Variants in ACSM6 observed in about 807,000 individuals in gnomAD.
ACSM6 encodes the protein acyl-coenzyme A synthetase ACSM6, mitochondrial.
Under a neutral mutation model 51.1 loss-of-function variants are expected in ACSM6, and 35 were observed. The observed-to-expected ratio is 0.69, with a 90% CI of 0.52 to 0.91. ACSM6 has a LOEUF of 0.91. ACSM6 is among the 40% of genes least tolerant of loss of function. The pLI is 0.00. For missense variants in ACSM6, 509 were observed against 584.1 expected (o/e 0.87, Z 1.32); for synonymous variants, 172 against 207.3 (o/e 0.83, Z 1.46).
At chr10:95,199,266 A>C (rs553778731) in intron 2 of ACSM6, among the ~76,000 whole-genome samples, 29 of 152,354 alleles carry the variant, frequency 1.9e-4, no homozygotes, top group African/African-American at 6.5e-4. Flanking sequence ...TTCCCTATTT[A>C]ATAAATGGTG....
At chr10:95,220,935 C>T (rs1160455185) in intron 9 of ACSM6, among the ~76,000 whole-genome samples, 1 of 151,918 alleles carries the variant, frequency 6.6e-6, no homozygotes, top group African/African-American at 2.4e-5. Context: ...ATTTTCGTTG[C>T]ATTTCTTTCT....
At chr10:95,209,396 G>A (rs2034872962) in intron 4 of ACSM6, among the ~76,000 whole-genome samples, 1 of 152,182 alleles carries the variant, frequency 6.6e-6, no homozygotes, top group Non-Finnish European at 1.5e-5. Context: ...TCATGTAGGA[G>A]TCGTCTAGGA....
intron 4 of ACSM6, among the ~76,000 whole-genome samples, chr10:95,209,351 G>A (rs867135805): frequency 1.1e-4 from 16 of 152,264 alleles, no homozygotes; most frequent in African/African-American, 3.1e-4. Context: ...AGGCCGAAGC[G>A]CAAGGGAGGG....
At chr10:95,210,686 A>C in exon 5 of ACSM6, 6 of 1,613,928 alleles carry the variant, frequency 3.7e-6, no homozygotes, top group Non-Finnish European at 5.1e-6. Flanking sequence ...TGAGGACCAA[A>C]AGCCAAGATC....
intron 2 of ACSM6, among the ~76,000 whole-genome samples, chr10:95,198,894 G>A (rs1434859844): frequency 6.6e-6 from 1 of 152,122 alleles, no homozygotes; most frequent in Non-Finnish European, 1.5e-5. Flanking sequence ...TCACGGGTAG[G>A]AAGAATCAAT....
chr10:95,194,707 C>A, intron 2 of ACSM6, 30 bp downstream of exon 2: 1 of 1,537,392 alleles, frequency 6.5e-7, no homozygotes, highest in Non-Finnish European at 8.8e-7. Context: ...ACCTTGGAAA[C>A]TTTGGCCAAG....
At position 95,227,843 on chromosome 10, in the gene ACSM6, G is replaced by A. The variant is rs201316541; in HGVS notation, c.1303-801G>A. 1.2e-4 allele frequency among the ~76,000 whole-genome samples: 19 copies of A among 152,310 alleles called. No homozygotes were observed. The East Asian group carries it at 3.7e-3, about 29-fold the overall frequency. On this transcript the variant is annotated intron_variant, in intron 10 of 10. Coordinates refer to ENST00000341686, the Ensembl canonical transcript of ACSM6. ...AGCACTTTGGGAGGCCAAGGCAGGC[G>A]GATCACCTGAGGTCAGGAGTTTGAG...
chr10:95,194,540 G>T lies in ACSM6; in HGVS notation c.55G>T (p.Glu19Ter). The change falls in exon 2 of 11, where the codon GAA becomes TAA. Residue 19 changes from glutamate to a stop codon, truncating the protein, a stop_gained. Transcript: ENST00000341686. LOFTEE classifies it high-confidence loss of function. Reference sequence around the variant, plus strand: ...GGTCCGGAGTTTCAGACTGGGATTTGAAGCCTGCTGCTATCCAAACCAAAA... The same window carrying T: ...GGTCCGGAGTTTCAGACTGGGATTTTAAGCCTGCTGCTATCCAAACCAAAA... The T allele has an allele frequency of 6.4e-7, 1 of 1,551,792 alleles. No homozygotes were observed. The highest frequency in any genetic ancestry group is 8.7e-7 in the Non-Finnish European group (1 of 1,146,990).
At chr10:95,217,502 T>TAGAC (rs58540447) in intron 8 of ACSM6, among the ~76,000 whole-genome samples, 25,624 of 152,052 alleles carry the variant, frequency 0.17, 2,329 homozygotes, top group Middle Eastern at 0.4. Flanking sequence ...AACATTCAAA[T>TAGAC]AGCATGGGAG....
exon 4 of ACSM6, chr10:95,207,349 T>C: frequency 6.2e-7 from 1 of 1,614,148 alleles, no homozygotes; most frequent in Non-Finnish European, 8.5e-7. Flanking sequence ...TGCCCCACCT[T>C]GAAAACCAAG....
At chr10:95,199,145 A>G (rs2034765529) in intron 2 of ACSM6, among the ~76,000 whole-genome samples, 3 of 152,238 alleles carry the variant, frequency 2.0e-5, no homozygotes, top group African/African-American at 7.2e-5. Flanking sequence ...ACTGGTACCA[A>G]AACAGAGATA....
At chr10:95,225,503 T>C (rs2035029262) in intron 10 of ACSM6, 112 bp downstream of exon 10, 2 of 711,046 alleles carry the variant, frequency 2.8e-6, no homozygotes, top group East Asian at 3.0e-5. Flanking sequence ...ATTTTTAATT[T>C]TGCAAATTTT....
At chr10:95,218,015 A>T (rs2034962926) in intron 8 of ACSM6, among the ~76,000 whole-genome samples, 2 of 152,192 alleles carry the variant, frequency 1.3e-5, no homozygotes, top group Admixed American at 1.3e-4. Context: ...AGCACCCAGG[A>T]CTCATTGCAT....
At chr10:95,223,840 G>A (rs1405610029) in intron 9 of ACSM6, among the ~76,000 whole-genome samples, 1 of 151,756 alleles carries the variant, frequency 6.6e-6, no homozygotes, top group African/African-American at 2.4e-5. Flanking sequence ...CATCCCAATT[G>A]GAAAAGAAGA....
chr10:95,203,396 C>T (rs12247797), intron 3 of ACSM6, among the ~76,000 whole-genome samples: 2 of 152,090 alleles, frequency 1.3e-5, no homozygotes, highest in Non-Finnish European at 2.9e-5. Context: ...GTAATGCACT[C>T]GAATCATCCC....
intron 9 of ACSM6, among the ~76,000 whole-genome samples, chr10:95,223,491 C>T (rs1275118306): frequency 6.6e-6 from 1 of 152,016 alleles, no homozygotes; most frequent in Non-Finnish European, 1.5e-5. Context: ...TATACCATAA[C>T]CAAGTGGAAT....
chr10:95,208,784 G>A (rs2034866449), intron 4 of ACSM6, among the ~76,000 whole-genome samples: 1 of 151,908 alleles, frequency 6.6e-6, no homozygotes, highest in Non-Finnish European at 1.5e-5. Context: ...AAAGCATAGT[G>A]TATATAGGGC....
At chr10:95,219,164 T>G (rs989407810) in intron 8 of ACSM6, among the ~76,000 whole-genome samples, 1 of 152,238 alleles carries the variant, frequency 6.6e-6, no homozygotes, top group African/African-American at 2.4e-5. Flanking sequence ...CCTGCATGTA[T>G]GCTGAAGTAT....
rs139065052 is a variant in ACSM6, at chr10:95,198,522, G to A, written c.193-3463G>A. Among the ~76,000 whole-genome samples the A allele has an allele frequency of 1.1e-3, 172 of 152,192 alleles. 1 individual carries two copies. The highest frequency in any genetic ancestry group is 3.9e-3 in the African/African-American group (161 of 41,522). ...AAAAATTAGCCTGGTGTGGCTGTGT[G>A]TGCCTGTAGTGCCAGGTACTTGGGA... On this transcript the variant is annotated intron_variant, in intron 2 of 10. Coordinates refer to ENST00000341686, the Ensembl canonical transcript of ACSM6.
Sources: allele counts gnomAD v4.1 joint callset (sites outside exome capture counted in the v4.1 genomes callset), GRCh38; gene constraint gnomAD v4.1.1; transcripts MANE v1.5; gene names NCBI Gene and HGNC (gene_info 2026-07-23, HGNC 2026-07-21).